CADPS2: variants seen among roughly 807,000 people sequenced by gnomAD.
The protein encoded by CADPS2 is calcium dependent secretion activator 2, also known as calcium-dependent secretion activator 2.
A neutral mutation model predicts 172.5 loss-of-function variants in CADPS2; 93 were observed. That is an observed-to-expected ratio of 0.54 (90% CI 0.46 to 0.64). The LOEUF (loss-of-function observed/expected upper bound fraction) is 0.64. Among genes scored for constraint, CADPS2 ranks in the 30% least tolerant of loss-of-function variants. The pLI is 0.00. For synonymous variants in CADPS2, 546 were observed against 555.2 expected, an observed-to-expected ratio of 0.98 and a Z score of 0.23; for missense variants, 1,420 against 1,565.9, an observed-to-expected ratio of 0.91 and a Z score of 1.57.
chr7:122,561,086 TC>T (rs2065699303), intron 7 of CADPS2, among the ~76,000 whole-genome samples: 1 of 152,166 alleles, frequency 6.6e-6, no homozygotes, highest in South Asian at 2.1e-4. Flanking sequence ...TGGCTTCCTG[TC>T]CTACTTAGTG....
At chr7:122,488,798 AG>A (rs929734152) in intron 11 of CADPS2, among the ~76,000 whole-genome samples, 2 of 152,216 alleles carry the variant, frequency 1.3e-5, no homozygotes, top group Non-Finnish European at 2.9e-5. Flanking sequence ...AGCGAGTTAA[AG>A]TTTTTTGGCA....
rs557881736 is a variant in CADPS2 at position 122,650,923 on chromosome 7, A to G, written c.786+12314T>C. Among the ~76,000 whole-genome samples the G allele has an allele frequency of 5.3e-5, 8 of 152,252 alleles. No individual in the cohort carries two copies. The East Asian group carries it at 1.5e-3, about 29-fold the overall frequency. On this transcript the variant is annotated intron_variant, in intron 3 of 29. Transcript: ENST00000449022. The stretch of plus-strand genomic sequence containing the variant: ...AATATTATGGCCACTCCAATGATTA[A>G]TTTCAGAATTTCAAAAATTCTATAA...
At position 122,645,340 on chromosome 7, in the gene CADPS2, TGTACATGTGTGTGTATAC is replaced by T. The variant is rs1308561927; in HGVS notation, c.787-16030_787-16013del. On this transcript the variant is annotated intron_variant, in intron 3 of 29. Coordinates refer to ENST00000449022, the MANE Select transcript of CADPS2 (RefSeq NM_017954.11). ...GTATACATGTACATATATACACACA[TGTACATGTGTGTGTATAC>T]ATGTACATGTATACACACATATGTA... 6.5e-4 allele frequency among the ~76,000 whole-genome samples: 72 copies of T among 110,322 alleles called. 3 individuals carry two copies. The highest frequency in any genetic ancestry group is 2.6e-3 in the Admixed American group (29 of 11,314). 72.4% of individuals were successfully genotyped at this position (110,322 alleles called of 152,430 possible). A position where few individuals can be genotyped will look rare whatever the true frequency, so the allele number is the denominator to read the frequency against.
At chr7:122,362,704 A>G (rs1197332257) in intron 25 of CADPS2, among the ~76,000 whole-genome samples, 1 of 152,218 alleles carries the variant, frequency 6.6e-6, no homozygotes, top group East Asian at 1.9e-4. Context: ...AAGGGAAATT[A>G]ACGAAGACTG....
chr7:122,410,281 T>G (rs1228984961), intron 19 of CADPS2, among the ~76,000 whole-genome samples: 1 of 151,782 alleles, frequency 6.6e-6, no homozygotes, highest in African/African-American at 2.4e-5. Context: ...GAGGTGAAGG[T>G]TGCAGTAAGC....
chr7:122,701,029 T>C (rs894271772), intron 2 of CADPS2, among the ~76,000 whole-genome samples: 3 of 152,098 alleles, frequency 2.0e-5, no homozygotes, highest in Non-Finnish European at 2.9e-5. Context: ...AGATATAAAT[T>C]ATTAGATACC....
At chr7:122,640,466 C>G (rs949550120) in intron 3 of CADPS2, among the ~76,000 whole-genome samples, 2 of 141,962 alleles carry the variant, frequency 1.4e-5, no homozygotes, top group African/African-American at 5.2e-5. Flanking sequence ...TGTGCACACA[C>G]ATATACACAC....
chr7:122,716,995 A>G (rs1241282784), intron 2 of CADPS2, among the ~76,000 whole-genome samples: 1 of 152,164 alleles, frequency 6.6e-6, no homozygotes, highest in African/African-American at 2.4e-5. Context: ...ACGTGGTATC[A>G]TTTCTGATTT....
In CADPS2 at chr7:122,474,511, T is replaced by C; in HGVS notation, c.1868A>G (p.Asp623Gly). The change falls in exon 13 of 30, where the codon GAT becomes GGT. Residue 623 changes from aspartate to glycine, a missense_variant. By Grantham distance (94) the Asp-to-Gly change is moderately conservative. Coordinates refer to ENST00000449022, the MANE Select transcript of CADPS2 (RefSeq NM_017954.11). ...ATCCATACCATGTTTCTGAAAACGA[T>C]CTGCATCTGTAAATTCAGGAAAGCA... ...ADAQLSGKDA[D>G]RFQKHGMDEF... The C allele has an allele frequency of 1.9e-6, 3 of 1,612,442 alleles. No homozygotes were observed. The highest frequency in any genetic ancestry group is 2.5e-6 in the Non-Finnish European group (3 of 1,179,256).
chr7:122,718,321 A>AGAAGGGG (rs1405286306), intron 2 of CADPS2, among the ~76,000 whole-genome samples: 1 of 151,992 alleles, frequency 6.6e-6, no homozygotes, highest in Non-Finnish European at 1.5e-5. Context: ...AAAAATGACA[A>AGAAGGGG]GAAGGGGGAA....
chr7:122,597,092 C>T (rs894234967), intron 6 of CADPS2, among the ~76,000 whole-genome samples: 2 of 152,004 alleles, frequency 1.3e-5, no homozygotes, highest in African/African-American at 2.4e-5. Flanking sequence ...CTCACTCAAG[C>T]CATTCATGAG....
At chr7:122,353,023 AGC>A (rs1489955494) in intron 27 of CADPS2, among the ~76,000 whole-genome samples, 7 of 152,312 alleles carry the variant, frequency 4.6e-5, no homozygotes, top group Admixed American at 6.5e-5. Flanking sequence ...TACAATTCAA[AGC>A]ACATTCACGT....
chr7:122,343,169 A>G (rs1267760282), intron 28 of CADPS2, among the ~76,000 whole-genome samples: 1 of 152,166 alleles, frequency 6.6e-6, no homozygotes, highest in Non-Finnish European at 1.5e-5. Flanking sequence ...ATTAGGGTCT[A>G]TTTTTATTTT....
intron 2 of CADPS2, among the ~76,000 whole-genome samples, chr7:122,666,006 C>T (rs1262180052): frequency 6.6e-6 from 1 of 151,484 alleles, no homozygotes; most frequent in Non-Finnish European, 1.5e-5. Flanking sequence ...TACTTCAGAA[C>T]TCAGATGTGT....
chr7:122,780,024 A>G (rs1792264852), intron 1 of CADPS2, among the ~76,000 whole-genome samples: 2 of 152,120 alleles, frequency 1.3e-5, no homozygotes, highest in Non-Finnish European at 2.9e-5. Flanking sequence ...CCATGTTGCC[A>G]TTTTCTAATT....
intron 24 of CADPS2, among the ~76,000 whole-genome samples, chr7:122,384,930 A>G (rs1016861262): frequency 2.0e-5 from 3 of 152,108 alleles, no homozygotes; most frequent in Admixed American, 6.6e-5. Flanking sequence ...CCACTCAGCA[A>G]ACATTTACTA....
At chr7:122,798,831 C>G (rs1474287728) in intron 1 of CADPS2, among the ~76,000 whole-genome samples, 1 of 151,786 alleles carries the variant, frequency 6.6e-6, no homozygotes, top group Non-Finnish European at 1.5e-5. Flanking sequence ...TGTACACTTG[C>G]CTCAACTTCT....
intron 14 of CADPS2, among the ~76,000 whole-genome samples, chr7:122,456,337 G>A (rs1328025223): frequency 6.6e-6 from 1 of 151,896 alleles, no homozygotes; most frequent in Non-Finnish European, 1.5e-5. Context: ...TTAACTCTAT[G>A]ACGATAATTA....
chr7:122,824,193 A>G (rs1253877499), intron 1 of CADPS2, among the ~76,000 whole-genome samples: 1 of 152,244 alleles, frequency 6.6e-6, no homozygotes, highest in East Asian at 1.9e-4. Context: ...TGATTCTCAC[A>G]GCAATCACCC....
Sources: allele counts gnomAD v4.1 joint callset (sites outside exome capture counted in the v4.1 genomes callset), GRCh38; gene constraint gnomAD v4.1.1; transcripts MANE v1.5; gene names NCBI Gene and HGNC (gene_info 2026-07-23, HGNC 2026-07-21).